KCNN2: variants seen among roughly 807,000 people sequenced by gnomAD.
KCNN2 encodes the protein small conductance calcium-activated potassium channel protein 2.
Under a neutral mutation model 55.5 loss-of-function variants are expected in KCNN2, and 24 were observed. The ratio of observed to expected loss-of-function variants is 0.43; its 90% CI spans 0.31 to 0.61. KCNN2 has a LOEUF of 0.61. Among genes scored for constraint, KCNN2 ranks in the 20% least tolerant of loss-of-function variants. The pLI is 0.08. For missense variants in KCNN2, 754 were observed against 853.6 expected, an observed-to-expected ratio of 0.88 and a Z score of 1.45; for synonymous variants, 431 against 336.1, an observed-to-expected ratio of 1.28 and a Z score of -3.09.
At chr5:114,422,049 A>G (rs1425414094) in intron 3 of KCNN2, among the ~76,000 whole-genome samples, 1 of 152,214 alleles carries the variant, frequency 6.6e-6, no homozygotes, top group Non-Finnish European at 1.5e-5. Context: ...ATCAGTAGTC[A>G]CTGGTATTCT....
chr5:114,082,355 A>C (rs1373455889), intron 1 of KCNN2, among the ~76,000 whole-genome samples: 1 of 152,024 alleles, frequency 6.6e-6, no homozygotes, highest in Non-Finnish European at 1.5e-5. Flanking sequence ...GATGCTGAAC[A>C]TTACTAGTCA....
At chr5:114,060,588 T>C (rs1487228) in intron 1 of KCNN2, among the ~76,000 whole-genome samples, 38,515 of 152,204 alleles carry the variant, frequency 0.25, 5,848 homozygotes, top group Non-Finnish European at 0.34. Flanking sequence ...GACAGCTGAG[T>C]ATGGCATTGC....
intron 1 of KCNN2, among the ~76,000 whole-genome samples, chr5:114,059,336 A>G (rs1173569353): frequency 6.6e-6 from 1 of 152,216 alleles, no homozygotes; most frequent in Non-Finnish European, 1.5e-5. Flanking sequence ...ATGCTATCAT[A>G]CAGCCAAGTA....
At chr5:114,112,485 CA>C (rs1329958646) in intron 1 of KCNN2, among the ~76,000 whole-genome samples, 1 of 151,840 alleles carries the variant, frequency 6.6e-6, no homozygotes, top group Non-Finnish European at 1.5e-5. Context: ...ATAAAAAATA[CA>C]TAAATAAATA....
intron 1 of KCNN2, among the ~76,000 whole-genome samples, chr5:114,082,865 A>G (rs1173993447): frequency 6.6e-6 from 1 of 152,190 alleles, no homozygotes; most frequent in Non-Finnish European, 1.5e-5. Context: ...CGTCAAAATC[A>G]TAGCCACAGA....
intron 3 of KCNN2, among the ~76,000 whole-genome samples, chr5:114,418,326 G>A (rs1759368849): frequency 6.6e-6 from 1 of 152,280 alleles, no homozygotes; most frequent in Non-Finnish European, 1.5e-5. Context: ...AATTGGTCTT[G>A]GAAAACTGAA....
Position 114,115,856 on chromosome 5 carries a change from A to G in KCNN2, c.-271+59356A>G, listed in dbSNP as rs922038822. 3.3e-5 allele frequency among the ~76,000 whole-genome samples: 5 copies of G among 151,902 alleles called. 1 individual carries two copies. The East Asian group carries it at 9.7e-4, about 29-fold the overall frequency. On this transcript the variant is annotated intron_variant, in intron 1 of 10. Transcript: ENST00000512097. ...ATAAGCCCCTGTACTCTTGGCGATAACTCCTTGGTTTCTTGTTACATACAT... is the reference window on the plus strand; with the variant it reads ...ATAAGCCCCTGTACTCTTGGCGATAGCTCCTTGGTTTCTTGTTACATACAT...
At chr5:114,066,977 A>G (rs551083401) in intron 1 of KCNN2, among the ~76,000 whole-genome samples, 53 of 152,290 alleles carry the variant, frequency 3.5e-4, no homozygotes, top group South Asian at 2.1e-3. Flanking sequence ...TGATATATAA[A>G]CTGAATATCA....
At chr5:114,098,167 T>C (rs1482518076) in intron 1 of KCNN2, among the ~76,000 whole-genome samples, 1 of 152,140 alleles carries the variant, frequency 6.6e-6, no homozygotes. Context: ...CCTACATCCC[T>C]CTTTTAAGGA....
At chr5:114,337,234 C>A (rs1756938186) in intron 2 of KCNN2, among the ~76,000 whole-genome samples, 1 of 151,940 alleles carries the variant, frequency 6.6e-6, no homozygotes, top group South Asian at 2.1e-4. Context: ...TGAAATTTAT[C>A]CCATAGGTAA....
intron 2 of KCNN2, among the ~76,000 whole-genome samples, chr5:114,270,760 T>G (rs1205068508): frequency 6.6e-6 from 1 of 152,212 alleles, no homozygotes; most frequent in Non-Finnish European, 1.5e-5. Context: ...TGGTGGGTTC[T>G]TGGTCTTGCT....
intron 1 of KCNN2, among the ~76,000 whole-genome samples, chr5:114,061,165 A>T (rs1468515329): frequency 6.6e-6 from 1 of 152,212 alleles, no homozygotes; most frequent in Non-Finnish European, 1.5e-5. Flanking sequence ...ACTAAGACAC[A>T]GTCTCTGCTT....
chr5:114,424,184 A>G (rs1333582023), intron 3 of KCNN2, among the ~76,000 whole-genome samples: 4 of 152,212 alleles, frequency 2.6e-5, no homozygotes, highest in East Asian at 1.9e-4. Flanking sequence ...ATAATCCTGT[A>G]TTACTTGCCC....
At chr5:114,230,287 CT>C (rs887105425) in intron 2 of KCNN2, among the ~76,000 whole-genome samples, 1 of 102,680 alleles carries the variant, frequency 9.7e-6, no homozygotes, top group Non-Finnish European at 2.1e-5. Flanking sequence ...TTCTTTCTTT[CT>C]TTTTTTTATT....
intron 1 of KCNN2, among the ~76,000 whole-genome samples, chr5:114,209,292 C>A (rs1362849261): frequency 6.6e-6 from 1 of 151,980 alleles, no homozygotes; most frequent in Non-Finnish European, 1.5e-5. Context: ...TTGCTTCTTC[C>A]TCATGTCTCC....
chr5:114,484,949 G>C (rs1198352189), intron 5 of KCNN2, among the ~76,000 whole-genome samples: 1 of 152,018 alleles, frequency 6.6e-6, no homozygotes, highest in African/African-American at 2.4e-5. Context: ...AGGCCTCGAG[G>C]GCATTACCCC....
intron 4 of KCNN2, among the ~76,000 whole-genome samples, chr5:114,470,629 C>T (rs773148482): frequency 2.0e-5 from 3 of 152,166 alleles, no homozygotes; most frequent in African/African-American, 4.8e-5. Flanking sequence ...GTACCCAGAT[C>T]TAAAATACCT....
At chr5:114,197,662 T>C (rs1407119407) in intron 1 of KCNN2, among the ~76,000 whole-genome samples, 1 of 152,136 alleles carries the variant, frequency 6.6e-6, no homozygotes, top group Non-Finnish European at 1.5e-5. Flanking sequence ...TAAGAGTGGC[T>C]GCAACATGAG....
intron 2 of KCNN2, among the ~76,000 whole-genome samples, chr5:114,367,244 G>T (rs1301955358): frequency 6.6e-6 from 1 of 152,174 alleles, no homozygotes; most frequent in African/African-American, 2.4e-5. Flanking sequence ...GTAGATTTCA[G>T]CTTTGGTGTC....
Sources: gnomAD v4.1 joint callset for allele counts (sites outside exome capture counted in the v4.1 genomes callset) on GRCh38, gnomAD v4.1.1 for gene constraint, MANE v1.5 for transcripts, NCBI Gene and HGNC (gene_info 2026-07-23, HGNC 2026-07-21) for gene names.